The following EIF2AK3 variants were observed in gnomAD, a reference collection of about 807,000 sequenced individuals.
EIF2AK3 encodes the protein eukaryotic translation initiation factor 2 alpha kinase 3, also known as eukaryotic translation initiation factor 2-alpha kinase 3.
In EIF2AK3, 50 loss-of-function variants were observed where a neutral mutation model predicts 113.5. The observed-to-expected ratio is 0.44, with a 90% CI of 0.35 to 0.56. The LOEUF is 0.56. EIF2AK3 is among the 20% of genes least tolerant of loss of function. The pLI is 0.00. For synonymous variants in EIF2AK3, 448 were observed against 495.4 expected (o/e 0.90, Z 1.27); for missense variants, 1,185 against 1,378.0 (o/e 0.86, Z 2.22).
intron 1 of EIF2AK3, among the ~76,000 whole-genome samples, chr2:88,622,448 C>T (rs1009418772): frequency 2.0e-5 from 3 of 152,220 alleles, no homozygotes; most frequent in Non-Finnish European, 4.4e-5. Context: ...CTGATAAAGA[C>T]AGGTCCTCTC....
chr2:88,602,895 C>T (rs1675189460), intron 2 of EIF2AK3, among the ~76,000 whole-genome samples: 1 of 151,860 alleles, frequency 6.6e-6, no homozygotes, highest in South Asian at 2.1e-4. Context: ...TAAAGCAAAC[C>T]ACCATGACAC....
At position 88,627,341 on chromosome 2, in the gene EIF2AK3, A is replaced by C. The variant is rs893664549; in HGVS notation, c.-67T>G. On this transcript the variant is annotated 5_prime_UTR_variant, in exon 1 of 17. Transcript: ENST00000303236. ...GACGCCTGCCTCTCCCGCCGCTTGG[A>C]GCTCCCAAGAAGGCAAGGACGTGCT... is the stretch of plus-strand genomic sequence containing the variant. The C allele has an allele frequency of 4.9e-6, 7 of 1,416,850 alleles. No homozygotes were observed. The highest frequency in any genetic ancestry group is 6.5e-6 in the Non-Finnish European group (7 of 1,084,772). The allele number at this position is 1,416,850 out of a possible 1,614,324, so 87.8% of individuals were successfully genotyped here.
At chr2:88,611,077 C>T (rs1675441682) in intron 2 of EIF2AK3, among the ~76,000 whole-genome samples, 1 of 152,108 alleles carries the variant, frequency 6.6e-6, no homozygotes, top group Non-Finnish European at 1.5e-5. Flanking sequence ...TAAACAGGTC[C>T]TGACACCAAA....
At chr2:88,596,954 A>T (rs1444925270) in intron 2 of EIF2AK3, among the ~76,000 whole-genome samples, 1 of 152,212 alleles carries the variant, frequency 6.6e-6, no homozygotes, top group Non-Finnish European at 1.5e-5. Flanking sequence ...AAAAACGCAT[A>T]ATTTGACCTA....
intron 2 of EIF2AK3, among the ~76,000 whole-genome samples, chr2:88,604,600 C>T (rs1675224553): frequency 6.6e-6 from 1 of 152,142 alleles, no homozygotes; most frequent in South Asian, 2.1e-4. Flanking sequence ...CCACACAGTA[C>T]CTTATAAGTT....
At chr2:88,626,299 T>G (rs532326710) in intron 1 of EIF2AK3, among the ~76,000 whole-genome samples, 10 of 152,208 alleles carry the variant, frequency 6.6e-5, no homozygotes, top group Non-Finnish European at 1.5e-4. Flanking sequence ...CAAGAACCAA[T>G]ATTCAAGAAT....
chr2:88,579,473 T>G, intron 11 of EIF2AK3, 45 bp downstream of exon 11: 1 of 1,610,678 alleles, frequency 6.2e-7, no homozygotes, highest in Non-Finnish European at 8.5e-7. Flanking sequence ...TGAGATTAGA[T>G]CACACTGTGC....
rs1805185 is a variant in EIF2AK3 at position 88,559,124 on chromosome 2, CAT to C, written c.3088-147_3088-146del. 0.089 allele frequency: 53,087 copies of C among 595,140 alleles called. 4,242 individuals are homozygous for C. The highest frequency in any genetic ancestry group is 0.32 in the African/African-American group (17,367 of 53,684). 36.9% of individuals were successfully genotyped at this position (595,140 alleles called of 1,614,324 possible). ...ATAGCTTTTCCTGATTTAATAACTA[CAT>C]ATGTTTCCTGAGCACAGATGTACAC... On this transcript the variant is annotated intron_variant, in intron 15 of 16. Transcript: ENST00000303236.
intron 9 of EIF2AK3, among the ~76,000 whole-genome samples, chr2:88,585,016 T>G (rs1187414831): frequency 6.6e-6 from 1 of 152,116 alleles, no homozygotes; most frequent in South Asian, 2.1e-4. Flanking sequence ...TAGAGGTTTT[T>G]AAGCCCAGAA....
At chr2:88,559,826 A>T (rs182059438) in intron 15 of EIF2AK3, among the ~76,000 whole-genome samples, 10 of 152,296 alleles carry the variant, frequency 6.6e-5, no homozygotes, top group African/African-American at 2.4e-4. Context: ...TTCATTGTAT[A>T]AAATACCACA....
At chr2:88,590,680 T>TA in intron 5 of EIF2AK3, 75 bp from the exon 6 acceptor site, 4 of 1,576,136 alleles carry the variant, frequency 2.5e-6, no homozygotes, top group Non-Finnish European at 3.5e-6. Context: ...AAATACCATT[T>TA]AAAATCACAA....
chr2:88,568,286 C>G (rs1674195647), intron 14 of EIF2AK3, among the ~76,000 whole-genome samples: 1 of 152,130 alleles, frequency 6.6e-6, no homozygotes, highest in Admixed American at 6.6e-5. Context: ...TTCAAAAGGT[C>G]TGCAAGGCCA....
intron 1 of EIF2AK3, among the ~76,000 whole-genome samples, chr2:88,616,944 C>T (rs1675601819): frequency 6.6e-6 from 1 of 152,084 alleles, no homozygotes; most frequent in South Asian, 2.1e-4. Flanking sequence ...CATTACAAGC[C>T]AGCTGTAGTA....
chr2:88,557,678 T>G lies in EIF2AK3; in HGVS notation c.*58A>C. The G allele has an allele frequency of 6.3e-7, 1 of 1,580,712 alleles. No individual in the cohort carries two copies. Among genetic ancestry groups the G allele is most frequent in the Non-Finnish European group, 8.7e-7 (1 of 1,149,650 alleles). On this transcript the variant is annotated 3_prime_UTR_variant, in exon 17 of 17. Transcript: ENST00000303236. ...AAGTCTGCAATTTTGGACAGGCATA[T>G]TCTAAGAAGTAGGCTATTATCTGCA...
At chr2:88,602,976 T>G (rs184481299) in intron 2 of EIF2AK3, among the ~76,000 whole-genome samples, 353 of 151,908 alleles carry the variant, frequency 2.3e-3, no homozygotes, top group South Asian at 7.3e-3. Context: ...AAAAGAAAAA[T>G]AAAAATATGC....
chr2:88,590,955 T>C lies in EIF2AK3; in HGVS notation c.865A>G (p.Thr289Ala). The change falls in exon 5 of 17, where the codon ACA (threonine) becomes GCA (alanine). Residue 289 changes from threonine to alanine, a missense_variant. Around this residue, in one of 3 missense-constraint regions of EIF2AK3, gnomAD observed 877 missense variants for 1,024.2 expected, o/e 0.86. Transcript: ENST00000303236. ...IESTFKPNEN[T>A]EESKIISDVE... ...TCTGAAATAATTTTAGACTCTTCTGTGTTCTCATTGGGCTTAAAGGTGCTT... is the reference window on the plus strand; with the variant it reads ...TCTGAAATAATTTTAGACTCTTCTGCGTTCTCATTGGGCTTAAAGGTGCTT... The C allele has an allele frequency of 1.2e-6, 2 of 1,614,150 alleles. No homozygotes were observed. The highest frequency in any genetic ancestry group is 1.7e-4 in the Middle Eastern group (1 of 6,058).
chr2:88,620,757 CT>C (rs1675699389), intron 1 of EIF2AK3, among the ~76,000 whole-genome samples: 1 of 152,226 alleles, frequency 6.6e-6, no homozygotes, highest in Non-Finnish European at 1.5e-5. Flanking sequence ...CACTTCCATT[CT>C]TTTCACTCAC....
chr2:88,571,675 A>G (rs951331092), intron 13 of EIF2AK3, among the ~76,000 whole-genome samples: 8 of 152,180 alleles, frequency 5.3e-5, no homozygotes, highest in African/African-American at 1.9e-4. Flanking sequence ...TTCTTGCTCT[A>G]TGGTAGCTAA....
intron 14 of EIF2AK3, among the ~76,000 whole-genome samples, chr2:88,568,959 C>T (rs918228106): frequency 1.6e-4 from 25 of 152,058 alleles, no homozygotes; most frequent in Non-Finnish European, 3.5e-4. Context: ...GGTGCAATCT[C>T]GGCTCACTGC....
Sources: gnomAD v4.1 joint callset for allele counts (sites outside exome capture counted in the v4.1 genomes callset) on GRCh38, gnomAD v4.1.1 for gene constraint, gnomAD v4.1.1 regional missense constraint, MANE v1.5 for transcripts, NCBI Gene and HGNC (gene_info 2026-07-23, HGNC 2026-07-21) for gene names.